The following CDC5L variants were observed in gnomAD, a reference collection of about 807,000 sequenced individuals.
CDC5L encodes cell division cycle 5-like protein.
A neutral mutation model predicts 104.1 loss-of-function variants in CDC5L; 18 were observed. The observed-to-expected ratio is 0.17, with a 90% CI of 0.12 to 0.26. The LOEUF is 0.26. Ranked by LOEUF, CDC5L falls within the 10% of genes least tolerant of loss-of-function variation. The probability of loss-of-function intolerance (pLI) is 1.00; values close to 1 mark genes in which losing one functional copy is unlikely to be tolerated. For missense variants in CDC5L, 673 were observed against 956.9 expected, an observed-to-expected ratio of 0.70 and a Z score of 3.91; for synonymous variants, 331 against 322.7, an observed-to-expected ratio of 1.03 and a Z score of -0.28.
chr6:44,407,183 T>A (rs1261704146), intron 7 of CDC5L, among the ~76,000 whole-genome samples: 1 of 152,224 alleles, frequency 6.6e-6, no homozygotes, highest in Admixed American at 6.5e-5. Flanking sequence ...TGTTGTGTTA[T>A]GCTTTTCTTT....
intron 8 of CDC5L, among the ~76,000 whole-genome samples, chr6:44,412,573 A>T (rs1791694506): frequency 6.7e-6 from 1 of 150,198 alleles, no homozygotes; most frequent in Non-Finnish European, 1.5e-5. Context: ...TGCAAGTGTG[A>T]ATATTCACAC....
In CDC5L at chr6:44,419,442, T is replaced by G; in HGVS notation, c.1093-7T>G. 1 of 1,613,166 alleles carries G rather than the reference T, an allele frequency of 6.2e-7. No individual in the cohort carries two copies. Among genetic ancestry groups the G allele is most frequent in the Non-Finnish European group, 8.5e-7 (1 of 1,179,672 alleles). ...TAAACTTGCTTCTTTGTCTTCTTGT[T>G]AATCAGGAAGCCCAGAACCTCATGG... On this transcript the variant is annotated splice_region_variant and splice_polypyrimidine_tract_variant and intron_variant, in intron 8 of 15. Transcript: ENST00000371477.
At chr6:44,405,320 T>C (rs1239311775) in intron 6 of CDC5L, among the ~76,000 whole-genome samples, 2 of 152,230 alleles carry the variant, frequency 1.3e-5, no homozygotes, top group Non-Finnish European at 2.9e-5. Context: ...TGTACTCCAT[T>C]GTATTTATTC....
chr6:44,402,311 C>CACCTGTTGTTTCCA (rs1484239928), intron 5 of CDC5L, among the ~76,000 whole-genome samples: 1 of 151,910 alleles, frequency 6.6e-6, no homozygotes, highest in Non-Finnish European at 1.5e-5. Flanking sequence ...TCCTCTCCAG[C>CACCTGTTGTTTCCA]ACCTGTTGTT....
chr6:44,419,785 T>C (rs571908610), intron 9 of CDC5L, among the ~76,000 whole-genome samples, 188 bp downstream of exon 9: 1 of 152,274 alleles, frequency 6.6e-6, no homozygotes, highest in African/African-American at 2.4e-5. Flanking sequence ...TCCCCCCCTT[T>C]CTTTAAGATG....
chr6:44,441,890 G>T (rs1359847636), intron 14 of CDC5L, among the ~76,000 whole-genome samples: 2 of 149,892 alleles, frequency 1.3e-5, no homozygotes, highest in Non-Finnish European at 3.0e-5. Flanking sequence ...GCCGGGAGTG[G>T]TGGCTCACAC....
chr6:44,413,523 A>G (rs191192309), intron 8 of CDC5L, among the ~76,000 whole-genome samples: 4 of 152,232 alleles, frequency 2.6e-5, no homozygotes, highest in East Asian at 1.9e-4. Context: ...ACTGGGTCCT[A>G]TGGTGACTAT....
chr6:44,396,370 G>T lies in CDC5L; in HGVS notation c.469G>T (p.Ala157Ser). Residue 157 changes from alanine (A) to serine (S), a missense_variant, in exon 5 of 16, where the codon GCC becomes TCC. Physicochemically the swap from Ala to Ser is moderately conservative, Grantham distance 99 (BLOSUM62 1). Around this residue, in one of 4 missense-constraint regions of CDC5L, gnomAD observed 8 missense variants for 40.4 expected, o/e 0.20. Transcript: ENST00000371477. ...DELEMLSEAR[A>S]RLANTQGKKA... ...ACTTGAGATGCTTTCTGAAGCCAGAGCCCGCTTGGCTAATACTCAGGGAAA... is the reference window on the plus strand; with the variant it reads ...ACTTGAGATGCTTTCTGAAGCCAGATCCCGCTTGGCTAATACTCAGGGAAA... 1 of 1,609,844 alleles carries T rather than the reference G, an allele frequency of 6.2e-7. No homozygotes were observed. The highest frequency in any genetic ancestry group is 8.5e-7 in the Non-Finnish European group (1 of 1,178,590).
At position 44,411,548 on chromosome 6, in the gene CDC5L, C is replaced by CT. The variant is rs1370583111; in HGVS notation, c.1092+2922dup. ...TCCTGGTATTCTCTGGTTTAGAAAT[C>CT]TTTTTTGTACTCTCTTCAGAGAGTA... On this transcript the variant is annotated intron_variant, in intron 8 of 15. Coordinates refer to ENST00000371477, the MANE Select transcript of CDC5L (RefSeq NM_001253.4). Among the ~76,000 whole-genome samples, 10 of 151,318 alleles carry CT rather than the reference C, an allele frequency of 6.6e-5. No individual in the cohort carries two copies. In the East Asian group the frequency reaches 1.4e-3, roughly 21 times the overall value.
intron 5 of CDC5L, among the ~76,000 whole-genome samples, chr6:44,398,127 T>C (rs1192568494): frequency 6.6e-6 from 1 of 152,214 alleles, no homozygotes. Context: ...TTGGCAGAGC[T>C]GGCCAATTGC....
intron 10 of CDC5L, among the ~76,000 whole-genome samples, chr6:44,423,441 C>G (rs1000708148): frequency 1.3e-5 from 2 of 152,118 alleles, no homozygotes; most frequent in Non-Finnish European, 2.9e-5. Flanking sequence ...ATTGACAGTA[C>G]TAAACTAAGT....
At chr6:44,422,325 C>T (rs1180455786) in intron 9 of CDC5L, among the ~76,000 whole-genome samples, 1 of 152,188 alleles carries the variant, frequency 6.6e-6, no homozygotes, top group African/African-American at 2.4e-5. Context: ...TGGTGGCCCA[C>T]CTCCCTGCCC....
chr6:44,444,856 G>A (rs1213810795), intron 14 of CDC5L, among the ~76,000 whole-genome samples: 10 of 152,084 alleles, frequency 6.6e-5, no homozygotes, highest in African/African-American at 2.4e-4. Context: ...ACTCCTTCTA[G>A]GAGGAATTGG....
At chr6:44,405,705 A>G (rs1791331570) in intron 6 of CDC5L, among the ~76,000 whole-genome samples, 1 of 152,164 alleles carries the variant, frequency 6.6e-6, no homozygotes, top group Non-Finnish European at 1.5e-5. Context: ...TATTCATAAT[A>G]TAGGAATAGT....
intron 14 of CDC5L, among the ~76,000 whole-genome samples, chr6:44,443,182 C>T (rs748784113): frequency 1.5e-4 from 22 of 150,822 alleles, no homozygotes; most frequent in Non-Finnish European, 2.5e-4. Context: ...TATATCATCC[C>T]ACTCCCTTCT....
intron 8 of CDC5L, among the ~76,000 whole-genome samples, chr6:44,418,225 T>A (rs1200017762): frequency 4.0e-5 from 6 of 151,638 alleles, no homozygotes; most frequent in Non-Finnish European, 8.8e-5. Context: ...AGTTCCCACC[T>A]ATGAGTGAGA....
chr6:44,411,631 A>AGTGTGT (rs756188413), intron 8 of CDC5L, among the ~76,000 whole-genome samples: 21 of 9,248 alleles, frequency 2.3e-3, no homozygotes, highest in Admixed American at 4.6e-3. Context: ...AGAGAGAGAG[A>AGTGTGT]GAGAGAGTGT....
chr6:44,413,914 G>A (rs968979568), intron 8 of CDC5L, among the ~76,000 whole-genome samples: 1 of 152,108 alleles, frequency 6.6e-6, no homozygotes, highest in Non-Finnish European at 1.5e-5. Context: ...GAATGTGGAA[G>A]GGTTCTAATT....
chr6:44,440,614 T>C (rs1793139937), intron 14 of CDC5L, among the ~76,000 whole-genome samples: 1 of 152,104 alleles, frequency 6.6e-6, no homozygotes, highest in Admixed American at 6.5e-5. Context: ...TGTGATTTTT[T>C]CCATACACAT....
Sources: allele counts gnomAD v4.1 joint callset (sites outside exome capture counted in the v4.1 genomes callset), GRCh38; gene constraint gnomAD v4.1.1; regional missense constraint gnomAD v4.1.1; transcripts MANE v1.5; gene names NCBI Gene and HGNC (gene_info 2026-07-23, HGNC 2026-07-21).